Variants in PARVA observed in about 807,000 individuals in gnomAD.
PARVA encodes parvin alpha.
PARVA carries 25 observed loss-of-function variants against 52.6 expected under a neutral mutation model. The ratio of observed to expected loss-of-function variants is 0.48; its 90% CI spans 0.35 to 0.66. PARVA has a LOEUF of 0.66. PARVA is among the 30% of genes least tolerant of loss of function. The probability of loss-of-function intolerance (pLI) is 0.01; values close to 1 mark genes in which losing one functional copy is unlikely to be tolerated. For synonymous variants in PARVA, 185 were observed against 179.1 expected (o/e 1.03, Z -0.26); for missense variants, 373 against 450.9 (o/e 0.83, Z 1.56).
chr11:12,494,104 A>G (rs753340622), intron 4 of PARVA, among the ~76,000 whole-genome samples: 1 of 152,246 alleles, frequency 6.6e-6, no homozygotes, highest in Non-Finnish European at 1.5e-5. Flanking sequence ...ACTCAAAATC[A>G]GCCAAAAGGA....
intron 12 of PARVA, among the ~76,000 whole-genome samples, chr11:12,526,516 T>C (rs926790540): frequency 2.0e-5 from 3 of 152,072 alleles, no homozygotes; most frequent in Non-Finnish European, 4.4e-5. Context: ...GCATGAAACA[T>C]AAATGTACAG....
chr11:12,464,123 G>C (rs1940822027), intron 1 of PARVA, among the ~76,000 whole-genome samples: 1 of 152,000 alleles, frequency 6.6e-6, no homozygotes, highest in Non-Finnish European at 1.5e-5. Flanking sequence ...GAACATCTGG[G>C]CTCTATGTAC....
At chr11:12,414,193 G>A (rs902800764) in intron 1 of PARVA, among the ~76,000 whole-genome samples, 7 of 152,168 alleles carry the variant, frequency 4.6e-5, no homozygotes, top group Non-Finnish European at 8.8e-5. Flanking sequence ...TTTCCCTTCG[G>A]CAGTGTTTGT....
chr11:12,475,119 A>G (rs867990962), intron 3 of PARVA, among the ~76,000 whole-genome samples: 18 of 152,142 alleles, frequency 1.2e-4, no homozygotes, highest in East Asian at 1.9e-4. Context: ...TGCCTCTTCA[A>G]CCTGAGATCA....
intron 9 of PARVA, 66 bp from the exon 10 acceptor site, chr11:12,513,931 G>A: frequency 3.5e-6 from 5 of 1,418,758 alleles, no homozygotes; most frequent in Non-Finnish European, 4.9e-6. Flanking sequence ...GGGAGTCACG[G>A]AGCAGCCACA....
At chr11:12,481,208 A>G (rs540634394) in intron 4 of PARVA, among the ~76,000 whole-genome samples, 28 of 152,310 alleles carry the variant, frequency 1.8e-4, no homozygotes, top group African/African-American at 6.0e-4. Context: ...TCTAGCAGAG[A>G]TGGTCTCTTC....
intron 1 of PARVA, among the ~76,000 whole-genome samples, chr11:12,443,886 T>A (rs35939204): frequency 0.13 from 20,071 of 152,242 alleles, 1,419 homozygotes; most frequent in South Asian, 0.22. Flanking sequence ...CTCCAAAGCC[T>A]TACCAGTCCT....
chr11:12,477,727 A>G (rs1260837324), intron 3 of PARVA, 120 bp from the exon 4 acceptor site: 11 of 645,100 alleles, frequency 1.7e-5, no homozygotes, highest in Non-Finnish European at 3.0e-5. Flanking sequence ...AAATAAAATG[A>G]AACTTAAAAT....
intron 1 of PARVA, among the ~76,000 whole-genome samples, chr11:12,390,094 C>T (rs780990920): frequency 7.2e-5 from 11 of 152,106 alleles, no homozygotes; most frequent in Non-Finnish European, 1.5e-4. Context: ...TGGCTGGGGG[C>T]CTGTTTCTTC....
At chr11:12,482,988 C>T (rs1415224944) in intron 4 of PARVA, among the ~76,000 whole-genome samples, 3 of 152,236 alleles carry the variant, frequency 2.0e-5, no homozygotes, top group Admixed American at 6.5e-5. Flanking sequence ...CCTTGAGATG[C>T]CATGTGACTT....
At chr11:12,407,287 T>G (rs1480692667) in intron 1 of PARVA, among the ~76,000 whole-genome samples, 1 of 152,190 alleles carries the variant, frequency 6.6e-6, no homozygotes, top group Non-Finnish European at 1.5e-5. Flanking sequence ...TTAAGGCTTA[T>G]TTCTGATGTT....
In PARVA at chr11:12,535,345, T is replaced by C. The variant is rs1305362277; in HGVS notation, c.*7420T>C. Reference sequence around the variant, plus strand: ...CTGACCAGCATCCCTTTGGTGTGCTTTGTCAATAAGATACAGAGCTTTCTC... The same window carrying C: ...CTGACCAGCATCCCTTTGGTGTGCTCTGTCAATAAGATACAGAGCTTTCTC... On this transcript the variant is annotated 3_prime_UTR_variant, in exon 13 of 13. Transcript: ENST00000334956. Among the ~76,000 whole-genome samples the C allele has an allele frequency of 6.6e-6, 1 of 152,212 alleles. No homozygotes were observed. The highest frequency in any genetic ancestry group is 1.5e-5 in the Non-Finnish European group (1 of 68,050).
intron 1 of PARVA, among the ~76,000 whole-genome samples, chr11:12,446,025 C>T (rs1012993591): frequency 1.4e-5 from 2 of 145,832 alleles, no homozygotes; most frequent in Non-Finnish European, 3.0e-5. Context: ...ACAAGTTTGA[C>T]GGGTTCATTT....
At chr11:12,410,640 C>T (rs992505571) in intron 1 of PARVA, among the ~76,000 whole-genome samples, 1 of 152,216 alleles carries the variant, frequency 6.6e-6, no homozygotes, top group African/African-American at 2.4e-5. Flanking sequence ...AGCCCAGTGC[C>T]TACGCCAGCC....
In PARVA at chr11:12,533,590, C is replaced by A. The variant is rs996496856; in HGVS notation, c.*5665C>A. On this transcript the variant is annotated 3_prime_UTR_variant, in exon 13 of 13. Transcript: ENST00000334956. ...CTGAAAATTTGCATGTAACTTGACT[C>A]CCCCAAAACGTAACTATAATACTAA... Among the ~76,000 whole-genome samples the A allele has an allele frequency of 5.9e-5, 9 of 152,206 alleles. No individual in the cohort carries two copies. Among genetic ancestry groups the A allele is most frequent in the African/African-American group, 1.9e-4 (8 of 41,528 alleles).
intron 12 of PARVA, among the ~76,000 whole-genome samples, chr11:12,522,421 CT>C (rs66494894): frequency 1.2e-3 from 160 of 134,622 alleles, no homozygotes; most frequent in African/African-American, 4.1e-3. Flanking sequence ...GAGCTTTATT[CT>C]TTTTTTTTTT....
chr11:12,463,813 G>T (rs558311618), intron 1 of PARVA, among the ~76,000 whole-genome samples: 2 of 152,018 alleles, frequency 1.3e-5, no homozygotes, highest in African/African-American at 4.8e-5. Flanking sequence ...TATCACTATG[G>T]ATTCACAGAC....
chr11:12,406,636 A>G (rs1589945541), intron 1 of PARVA, among the ~76,000 whole-genome samples: 1 of 124,282 alleles, frequency 8.0e-6, no homozygotes, highest in African/African-American at 3.0e-5. Context: ...AAATTTCCAC[A>G]TTGTTAGCTA....
chr11:12,377,492 G>A (rs1006929441), upstream of PARVA: 8 of 1,408,854 alleles, frequency 5.7e-6, no homozygotes, highest in East Asian at 3.0e-5. Flanking sequence ...GAGGGAGGGA[G>A]CGAGGGAAGG....
Sources: allele counts gnomAD v4.1 joint callset (sites outside exome capture counted in the v4.1 genomes callset), GRCh38; gene constraint gnomAD v4.1.1; transcripts MANE v1.5; gene names NCBI Gene and HGNC (gene_info 2026-07-23, HGNC 2026-07-21).